FBXO24: variants seen among roughly 807,000 people sequenced by gnomAD.
FBXO24 encodes F-box protein 24, also known as F-box only protein 24.
Under a neutral mutation model 63.5 loss-of-function variants are expected in FBXO24, and 30 were observed. The ratio of observed to expected loss-of-function variants is 0.47; its 90% CI spans 0.35 to 0.64. The LOEUF (loss-of-function observed/expected upper bound fraction) is 0.64, where lower values mean the gene tolerates loss of function less well. Among genes scored for constraint, FBXO24 ranks in the 30% least tolerant of loss-of-function variants. The probability of loss-of-function intolerance (pLI) is 0.00; values close to 1 mark genes in which losing one functional copy is unlikely to be tolerated. For synonymous variants in FBXO24, 300 were observed against 305.0 expected (o/e 0.98, Z 0.17); for missense variants, 624 against 763.4 (o/e 0.82, Z 2.15).
At chr7:100,599,677 T>G (rs1342371507) in intron 8 of FBXO24, 2 of 246,810 alleles carry the variant, frequency 8.1e-6, no homozygotes, top group African/African-American at 4.6e-5. Context: ...TAACCTGGAA[T>G]TGCACAAGAA....
Position 100,591,724 on chromosome 7 carries a change from G to A in FBXO24, c.380G>A (p.Ser127Asn). ...GGCCGCCGCCGATGTCTCAGCAAGA[G>A]CGTGGCCCCCTTGCTAGCCCACGGC... Reference protein sequence around the residue: ...FGGRRRCLSKSVAPLLAHGYR... With the variant: ...FGGRRRCLSKNVAPLLAHGYR... Residue 127 changes from serine (S) to asparagine (N), a missense_variant, in exon 4 of 10, where the codon AGC becomes AAC. This residue lies in a region of FBXO24 where 391 missense variants were observed against 469.1 expected (regional missense o/e 0.83). Transcript: ENST00000241071. 6.2e-7 allele frequency: 1 copy of A among 1,614,250 alleles called. No homozygotes were observed. The highest frequency in any genetic ancestry group is 8.5e-7 in the Non-Finnish European group (1 of 1,180,050).
chr7:100,590,665 C>T (rs566856655), intron 3 of FBXO24, among the ~76,000 whole-genome samples: 70 of 152,334 alleles, frequency 4.6e-4, no homozygotes, highest in African/African-American at 1.6e-3. Flanking sequence ...CCCAAGGCTT[C>T]TGAACTCACT....
At position 100,591,840 on chromosome 7, in the gene FBXO24, C is replaced by A; in HGVS notation, c.496C>A (p.Leu166Ile). The change falls in exon 4 of 10, where the codon CTC (leucine) becomes ATC (isoleucine). Residue 166 changes from leucine (L) to isoleucine (I), a missense_variant. Leu to Ile is a conservative substitution (Grantham distance 5). This residue lies in a region of FBXO24 where 391 missense variants were observed against 469.1 expected (regional missense o/e 0.83). Coordinates refer to ENST00000241071, the MANE Select transcript of FBXO24 (RefSeq NM_033506.3). Reference sequence around the variant, plus strand: ...CCTCAAAAATGCCCTGGTCTCCACCCTCGGCCAGATGCAGTGGAAGCGGGC... The same window carrying A: ...CCTCAAAAATGCCCTGGTCTCCACCATCGGCCAGATGCAGTGGAAGCGGGC... ...FFLKNALVST[L>I]GQMQWKRACR... The A allele has an allele frequency of 1.2e-6, 2 of 1,614,216 alleles. No individual in the cohort carries two copies. Among genetic ancestry groups the A allele is most frequent in the Non-Finnish European group, 1.7e-6 (2 of 1,180,040 alleles).
chr7:100,600,332 T>C lies in FBXO24; in HGVS notation c.1377+131T>C. On this transcript the variant is annotated intron_variant, in intron 9 of 9. Transcript: ENST00000241071. The surrounding 1 kb of genome is among the most constrained non-coding windows in gnomAD (Gnocchi z 6.3). Reference sequence around the variant, plus strand: ...TTTCCCTAGCACCACCCCACCTCCCTCCTCTGCCGCACACCACGCTCTCTG... The same window carrying C: ...TTTCCCTAGCACCACCCCACCTCCCCCCTCTGCCGCACACCACGCTCTCTG... 7.4e-7 allele frequency: 1 copy of C among 1,355,054 alleles called. No individual in the cohort carries two copies. The highest frequency in any genetic ancestry group is 9.9e-7 in the Non-Finnish European group (1 of 1,011,456). 83.9% of individuals were successfully genotyped at this position (1,355,054 alleles called of 1,614,324 possible).
intron 1 of FBXO24, chr7:100,589,416 CT>C: frequency 8.2e-7 from 1 of 1,215,630 alleles, no homozygotes; most frequent in South Asian, 4.2e-5. Flanking sequence ...GTAATTCACA[CT>C]TTATTTCTCC....
rs751764968 is a variant in FBXO24 at position 100,586,735 on chromosome 7, C to G, written c.39+71C>G. The G allele has an allele frequency of 3.2e-6, 5 of 1,559,660 alleles. No individual in the cohort carries two copies. The South Asian group carries it at 5.6e-5, about 17-fold the overall frequency. ...CCTGGCCGGCCGGGAACGCAGTTCG[C>G]CGCTGCAGTGGCGAGTGCGAGCTGG... On this transcript the variant is annotated intron_variant, in intron 1 of 9. Transcript: ENST00000241071.
intron 5 of FBXO24, among the ~76,000 whole-genome samples, chr7:100,593,869 G>C (rs1802159554): frequency 6.7e-6 from 1 of 150,212 alleles, no homozygotes; most frequent in African/African-American, 2.4e-5. Flanking sequence ...ACTCCAAACT[G>C]CTCCCTACTT....
rs375711842 is a variant in FBXO24 at position 100,596,078 on chromosome 7, G to A, written c.1206+372G>A. Among the ~76,000 whole-genome samples the A allele has an allele frequency of 2.7e-4, 41 of 152,274 alleles. No homozygotes were observed. The South Asian group carries it at 8.1e-3, about 30-fold the overall frequency. ...AGATCACTTGAGGTCAGGAGTTCTA[G>A]ACCAGCCTGGGCAACATGGTGAAAC... On this transcript the variant is annotated intron_variant, in intron 8 of 9. Transcript: ENST00000241071.
rs1280816772 is a variant in FBXO24, at chr7:100,591,757, G to A, written c.413G>A (p.Arg138His). The A allele has an allele frequency of 3.7e-6, 6 of 1,614,116 alleles. No individual in the cohort carries two copies. In the African/African-American group the frequency reaches 4.0e-5, roughly 11 times the overall value. ...VAPLLAHGYR[R>H]FLPTKDHVFI... ...CCCTTGCTAGCCCACGGCTACCGCC[G>A]CTTCTTGCCCACCAAGGATCACGTC... Residue 138 changes from arginine to histidine, a missense_variant, in exon 4 of 10, where the codon CGC becomes CAC. By Grantham distance (29) the Arg-to-His change is conservative. This residue lies in a region of FBXO24 where 391 missense variants were observed against 469.1 expected (regional missense o/e 0.83). Transcript: ENST00000241071.
intron 3 of FBXO24, 54 bp downstream of exon 3, chr7:100,590,411 T>G: frequency 6.5e-7 from 1 of 1,547,088 alleles, no homozygotes; most frequent in South Asian, 1.2e-5. Context: ...GCCTTAGCCT[T>G]CCTGCTCTCT....
intron 8 of FBXO24, among the ~76,000 whole-genome samples, chr7:100,596,903 G>A (rs1458536004): frequency 6.6e-6 from 1 of 152,142 alleles, no homozygotes; most frequent in African/African-American, 2.4e-5. Context: ...TTAGCCAGGT[G>A]TGGTGGTGGG....
At position 100,595,121 on chromosome 7, in the gene FBXO24, T is replaced by C; in HGVS notation, c.972T>C (p.Phe324=). The change falls in exon 7 of 10, where the codon TTT becomes TTC. Residue 324 remains phenylalanine (F), a synonymous_variant. Coordinates refer to ENST00000241071, the MANE Select transcript of FBXO24 (RefSeq NM_033506.3). ...CCCCAGACCAGGGGGGAGTGTATTTTGAGGTGCATACCCCAGGGGTGTATC... is the reference window on the plus strand; with the variant it reads ...CCCCAGACCAGGGGGGAGTGTATTTCGAGGTGCATACCCCAGGGGTGTATC... ...LYVTDQGGVY[F]EVHTPGVYRD... is the part of the protein sequence containing the mutation. 1 of 1,614,032 alleles carries C rather than the reference T, an allele frequency of 6.2e-7. No individual in the cohort carries two copies.
Position 100,591,746 on chromosome 7 carries a change from C to T in FBXO24, c.402C>T (p.His134=), listed in dbSNP as rs766451108. Residue 134 remains histidine (H), a synonymous_variant, in exon 4 of 10, where the codon CAC becomes CAT. Transcript: ENST00000241071. ...LSKSVAPLLA[H]GYRRFLPTKD... is the part of the protein sequence containing the mutation. ...AGAGCGTGGCCCCCTTGCTAGCCCA[C>T]GGCTACCGCCGCTTCTTGCCCACCA... 34 of 1,614,130 alleles carry T rather than the reference C, an allele frequency of 2.1e-5. No homozygotes were observed. The highest frequency in any genetic ancestry group is 2.5e-5 in the Non-Finnish European group (30 of 1,180,048).
intron 1 of FBXO24, chr7:100,589,274 T>C (rs1179107845): frequency 1.9e-5 from 9 of 476,358 alleles, no homozygotes; most frequent in Non-Finnish European, 2.2e-5. Context: ...ACTCTTGAGC[T>C]ACCAATCCCT....
At position 100,600,724 on chromosome 7, in the gene FBXO24, T is replaced by C. The variant is rs753607993; in HGVS notation, c.1568T>C (p.Leu523Pro). Residue 523 changes from leucine to proline, a missense_variant, in exon 10 of 10, where the codon CTC becomes CCC. By Grantham distance (98) the Leu-to-Pro change is moderately conservative. This residue lies in a region of FBXO24 where 216 missense variants were observed against 245.2 expected (regional missense o/e 0.88). Coordinates refer to ENST00000241071, the MANE Select transcript of FBXO24 (RefSeq NM_033506.3). The surrounding 1 kb of genome is among the most constrained non-coding windows in gnomAD (Gnocchi z 6.3). Reference protein sequence around the residue: ...GGMAQACEEYLSQIHSCQTLQ... With the variant: ...GGMAQACEEYPSQIHSCQTLQ... ...ATGGCCCAGGCCTGCGAGGAGTACC[T>C]CAGCCAGATCCACAGTTGCCAAACG... 1.2e-6 allele frequency: 2 copies of C among 1,614,130 alleles called. No homozygotes were observed. The highest frequency in any genetic ancestry group is 3.3e-5 in the Admixed American group (2 of 60,026).
In FBXO24 at chr7:100,600,124, G is replaced by A; in HGVS notation, c.1300G>A (p.Gly434Ser). The A allele has an allele frequency of 1.9e-6, 3 of 1,603,610 alleles. No homozygotes were observed. Among genetic ancestry groups the A allele is most frequent in the Non-Finnish European group, 2.6e-6 (3 of 1,176,050 alleles). ...QSSEFSKELL[G>S]CGCGAGGRLP... is the part of the protein sequence containing the mutation. ...CTCAGAGTTCAGCAAGGAGCTGCTG[G>A]GCTGCGGCTGTGGGGCTGGGGGCCG... The change falls in exon 9 of 10, where the codon GGC becomes AGC. Residue 434 changes from glycine (G) to serine (S), a missense_variant. By Grantham distance (56) the Gly-to-Ser change is moderately conservative. This residue lies in a region of FBXO24 where 216 missense variants were observed against 245.2 expected (regional missense o/e 0.88). Transcript: ENST00000241071. This position sits in a 1 kb window ranked among gnomAD's most constrained non-coding sequence, Gnocchi z 6.3.
chr7:100,600,331 C>T lies in FBXO24; in HGVS notation c.1377+130C>T, dbSNP rs1802531133. On this transcript the variant is annotated intron_variant, in intron 9 of 9. Coordinates refer to ENST00000241071, the MANE Select transcript of FBXO24 (RefSeq NM_033506.3). The surrounding 1 kb of genome is among the most constrained non-coding windows in gnomAD (Gnocchi z 6.3). ...ATTTCCCTAGCACCACCCCACCTCC[C>T]TCCTCTGCCGCACACCACGCTCTCT... 5 of 1,359,014 alleles carry T rather than the reference C, an allele frequency of 3.7e-6. No individual in the cohort carries two copies. The highest frequency in any genetic ancestry group is 3.9e-6 in the Non-Finnish European group (4 of 1,015,034). 84.2% of individuals were successfully genotyped at this position (1,359,014 alleles called of 1,614,324 possible). A position where few individuals can be genotyped will look rare whatever the true frequency, so the allele number is the denominator to read the frequency against.
intron 3 of FBXO24, 63 bp from the exon 4 acceptor site, chr7:100,591,604 C>A: frequency 6.6e-7 from 1 of 1,505,076 alleles, no homozygotes; most frequent in Non-Finnish European, 9.2e-7. Flanking sequence ...TCTACCCAAG[C>A]TCCAACTCAT....
In FBXO24 at chr7:100,592,704, C is replaced by T; in HGVS notation, c.559-79C>T. On this transcript the variant is annotated intron_variant, in intron 4 of 9. Coordinates refer to ENST00000241071, the MANE Select transcript of FBXO24 (RefSeq NM_033506.3). ...AACTCTGGACCCAAGCATTTCACTT[C>T]CCACCCCAGGATCCAGCTGCCCCAG... 1.2e-5 allele frequency: 13 copies of T among 1,125,166 alleles called. No individual in the cohort carries two copies. In the South Asian group the frequency reaches 1.3e-4, roughly 11 times the overall value. The allele number at this position is 1,125,166 out of a possible 1,614,324, so 69.7% of individuals were successfully genotyped here.
Sources: allele counts gnomAD v4.1 joint callset (sites outside exome capture counted in the v4.1 genomes callset), GRCh38; gene constraint gnomAD v4.1.1; regional missense constraint gnomAD v4.1.1; non-coding constraint Gnocchi (gnomAD v3.1); transcripts MANE v1.5; gene names NCBI Gene and HGNC (gene_info 2026-07-23, HGNC 2026-07-21).